TNPO1: variants seen among roughly 807,000 people sequenced by gnomAD.
TNPO1 encodes the protein transportin-1.
Under a neutral mutation model 119.5 loss-of-function variants are expected in TNPO1, and 8 were observed. That is an observed-to-expected ratio of 0.07 (90% confidence interval 0.04 to 0.12). TNPO1 has a LOEUF of 0.12. TNPO1 is among the 10% of genes least tolerant of loss of function. TNPO1 has a pLI of 1.00. For synonymous variants in TNPO1, 362 were observed against 363.0 expected (o/e 1.00, Z 0.03); for missense variants, 576 against 1,089.8 (o/e 0.53, Z 6.64).
intron 1 of TNPO1, among the ~76,000 whole-genome samples, chr5:72,837,710 G>A (rs1031563573): frequency 1.3e-5 from 2 of 152,192 alleles, no homozygotes; most frequent in South Asian, 4.1e-4. Context: ...GACAATTTTA[G>A]TTGGGAGTGT....
At chr5:72,887,855 G>T (rs1470817415) in intron 12 of TNPO1, among the ~76,000 whole-genome samples, 1 of 152,170 alleles carries the variant, frequency 6.6e-6, no homozygotes, top group Admixed American at 6.6e-5. Flanking sequence ...TTTTGTCCTG[G>T]CAGTAAACAT....
intron 21 of TNPO1, 81 bp downstream of exon 21, chr5:72,900,162 G>C (rs1212172216): frequency 7.8e-7 from 1 of 1,281,172 alleles, no homozygotes. Flanking sequence ...TATATTTTCA[G>C]TTGGTTACAA....
At chr5:72,874,404 A>G (rs886148553) in intron 7 of TNPO1, among the ~76,000 whole-genome samples, 2 of 152,154 alleles carry the variant, frequency 1.3e-5, no homozygotes, top group Non-Finnish European at 2.9e-5. Context: ...GTATTCATTG[A>G]CAGTAGTAAC....
chr5:72,856,476 G>A (rs971250736), intron 4 of TNPO1, among the ~76,000 whole-genome samples: 3 of 151,894 alleles, frequency 2.0e-5, no homozygotes, highest in Non-Finnish European at 4.4e-5. Context: ...CAGGTGATCC[G>A]CCTGCCTCAG....
At chr5:72,866,880 G>A (rs1013251268) in intron 6 of TNPO1, among the ~76,000 whole-genome samples, 2 of 152,030 alleles carry the variant, frequency 1.3e-5, no homozygotes, top group African/African-American at 2.4e-5. Flanking sequence ...TGATTAAAAT[G>A]TTAGGTAAAG....
At position 72,909,120 on chromosome 5, in the gene TNPO1, CT is replaced by C. The variant is rs35315909; in HGVS notation, c.*462del. On this transcript the variant is annotated 3_prime_UTR_variant, in exon 25 of 25. Coordinates refer to ENST00000337273, the MANE Select transcript of TNPO1 (RefSeq NM_002270.4). ...ATGGGAGTTACAAATAGTAAAGAAG[CT>C]TTTTTTTTTTTTTTAATTTAAAGTT... 0.79 allele frequency: 115,296 copies of C among 145,484 alleles called. 45,776 individuals are homozygous for C. The highest frequency in any genetic ancestry group is 0.85 in the Non-Finnish European group (56,391 of 66,496). 9.0% of individuals were successfully genotyped at this position (145,484 alleles called of 1,614,324 possible).
chr5:72,826,983 A>G (rs959824632), intron 1 of TNPO1, among the ~76,000 whole-genome samples: 1 of 152,206 alleles, frequency 6.6e-6, no homozygotes, highest in South Asian at 2.1e-4. Context: ...AAACAAATAC[A>G]TATTAAGAAA....
chr5:72,896,951 T>A, intron 19 of TNPO1, 105 bp from the exon 20 acceptor site: 1 of 523,344 alleles, frequency 1.9e-6, no homozygotes, highest in Non-Finnish European at 3.3e-6. Context: ...ATTTCTATAT[T>A]TATATGACAT....
At chr5:72,837,945 A>G (rs1744754999) in intron 1 of TNPO1, among the ~76,000 whole-genome samples, 1 of 152,220 alleles carries the variant, frequency 6.6e-6, no homozygotes, top group Non-Finnish European at 1.5e-5. Context: ...CTAAACTTGT[A>G]AAAATTGATT....
intron 9 of TNPO1, among the ~76,000 whole-genome samples, chr5:72,880,533 G>A (rs1004690444): frequency 6.6e-6 from 1 of 152,092 alleles, no homozygotes; most frequent in Non-Finnish European, 1.5e-5. Context: ...ACTCATTTTT[G>A]ACTGGGTGCA....
At chr5:72,870,258 TC>T (rs1213842763) in intron 6 of TNPO1, among the ~76,000 whole-genome samples, 2 of 148,648 alleles carry the variant, frequency 1.3e-5, no homozygotes, top group African/African-American at 5.0e-5. Flanking sequence ...CCTCCCAGGT[TC>T]AAGCGATTCT....
chr5:72,842,813 A>G (rs1272959762), intron 1 of TNPO1, among the ~76,000 whole-genome samples: 1 of 152,192 alleles, frequency 6.6e-6, no homozygotes, highest in Non-Finnish European at 1.5e-5. Flanking sequence ...CCAGACTTTG[A>G]TCATGTTTTT....
At position 72,887,009 on chromosome 5, in the gene TNPO1, A is replaced by G. The variant is rs977490814; in HGVS notation, c.1151-61A>G. ...ATACGAATAAAATGTTACATATACA[A>G]TAAATAATATATAAGTAATAAGAGG... is the stretch of plus-strand genomic sequence containing the variant. On this transcript the variant is annotated intron_variant, in intron 11 of 24. Transcript: ENST00000337273. The G allele has an allele frequency of 4.9e-6, 7 of 1,414,298 alleles. No homozygotes were observed. The Admixed American group carries it at 6.6e-5, about 13-fold the overall frequency. The allele number at this position is 1,414,298 out of a possible 1,614,324, so 87.6% of individuals were successfully genotyped here.
At chr5:72,826,687 A>G (rs1744219222) in intron 1 of TNPO1, among the ~76,000 whole-genome samples, 1 of 152,224 alleles carries the variant, frequency 6.6e-6, no homozygotes, top group Admixed American at 6.5e-5. Context: ...AATCTGTATA[A>G]TGACTAGGAA....
intron 22 of TNPO1, 51 bp from the exon 23 acceptor site, chr5:72,903,658 G>C: frequency 7.9e-7 from 1 of 1,260,382 alleles, no homozygotes; most frequent in Non-Finnish European, 1.1e-6. Context: ...ATCTTTTGCT[G>C]AGTTTGACAA....
At chr5:72,899,000 TGTAC>T (rs991740552) in intron 20 of TNPO1, among the ~76,000 whole-genome samples, 14 of 152,186 alleles carry the variant, frequency 9.2e-5, no homozygotes, top group African/African-American at 3.4e-4. Context: ...TGTATTTACA[TGTAC>T]GTACCTTTGA....
At position 72,887,177 on chromosome 5, in the gene TNPO1, G is replaced by T; in HGVS notation, c.1258G>T (p.Val420Phe). Reference sequence around the variant, plus strand: ...AGAATTACTTTTTCATCATGAATGGGTTGTTAAAGAATCAGGCATTTTGGT... The same window carrying T: ...AGAATTACTTTTTCATCATGAATGGTTTGTTAAAGAATCAGGCATTTTGGT... ...LKELLFHHEW[V>F]VKESGILVLG... The change falls in exon 12 of 25, where the codon GTT becomes TTT. Residue 420 changes from valine (V) to phenylalanine (F), a missense_variant. Coordinates refer to ENST00000337273, the MANE Select transcript of TNPO1 (RefSeq NM_002270.4). 3.1e-6 allele frequency: 5 copies of T among 1,613,552 alleles called. No homozygotes were observed. Among genetic ancestry groups the T allele is most frequent in the Non-Finnish European group, 4.2e-6 (5 of 1,179,640 alleles).
At chr5:72,858,964 T>G (rs1746219766) in intron 4 of TNPO1, among the ~76,000 whole-genome samples, 1 of 152,060 alleles carries the variant, frequency 6.6e-6, no homozygotes, top group Non-Finnish European at 1.5e-5. Context: ...TTTTTTTTTT[T>G]TTTTTAATCA....
intron 1 of TNPO1, among the ~76,000 whole-genome samples, chr5:72,821,012 T>A (rs1743933596): frequency 6.6e-6 from 1 of 152,124 alleles, no homozygotes; most frequent in Non-Finnish European, 1.5e-5. Context: ...TGATTAAATT[T>A]GGGGAATAAG....
Sources: gnomAD v4.1 joint callset for allele counts (sites outside exome capture counted in the v4.1 genomes callset) on GRCh38, gnomAD v4.1.1 for gene constraint, MANE v1.5 for transcripts, NCBI Gene and HGNC (gene_info 2026-07-23, HGNC 2026-07-21) for gene names.